The following TLE4 variants were observed in gnomAD, a reference collection of about 807,000 sequenced individuals.
The protein encoded by TLE4 is TLE family member 4, transcriptional corepressor.
In TLE4, 8 loss-of-function variants were observed where a neutral mutation model predicts 92.8. That is an observed-to-expected ratio of 0.09 (90% CI 0.05 to 0.16). TLE4 has a LOEUF of 0.16. TLE4 is among the 10% of genes least tolerant of loss of function. TLE4 has a pLI of 1.00. For missense variants in TLE4, 675 were observed against 997.6 expected, an observed-to-expected ratio of 0.68 and a Z score of 4.36; for synonymous variants, 371 against 374.1, an observed-to-expected ratio of 0.99 and a Z score of 0.10.
chr9:79,648,637 G>A lies in TLE4; in HGVS notation c.391-3956G>A, dbSNP rs187125451. Among the ~76,000 whole-genome samples the A allele has an allele frequency of 2.0e-5, 3 of 152,300 alleles. No homozygotes were observed. The East Asian group carries it at 5.8e-4, about 29-fold the overall frequency. On this transcript the variant is annotated intron_variant, in intron 6 of 19. Transcript: ENST00000376552. ...AGCTGATGGAGACTTAAAATAATCA[G>A]CATGTGAGGTGATGAGTCTGGTGAG... is the stretch of plus-strand genomic sequence containing the variant.
At chr9:79,611,948 A>G (rs909110568) in intron 4 of TLE4, among the ~76,000 whole-genome samples, 18 of 151,640 alleles carry the variant, frequency 1.2e-4, no homozygotes, top group African/African-American at 4.3e-4. Flanking sequence ...AAAAAAAAAA[A>G]AAAAAAAAAA....
chr9:79,678,297 T>C (rs1369776393), intron 8 of TLE4, among the ~76,000 whole-genome samples: 1 of 152,170 alleles, frequency 6.6e-6, no homozygotes, highest in Admixed American at 6.6e-5. Context: ...CAAAAAACTT[T>C]GTAGATGTTA....
intron 6 of TLE4, among the ~76,000 whole-genome samples, chr9:79,643,817 C>G (rs927114951): frequency 6.6e-6 from 1 of 152,150 alleles, no homozygotes; most frequent in African/African-American, 2.4e-5. Context: ...GTCTGTCTTG[C>G]ATTAGTTAAT....
chr9:79,706,697 C>T (rs764159048), intron 10 of TLE4, 50 bp from the exon 11 acceptor site: 3 of 1,576,064 alleles, frequency 1.9e-6, no homozygotes, highest in South Asian at 2.4e-5. Flanking sequence ...ACAACCCCAG[C>T]ATTATAAATG....
intron 14 of TLE4, among the ~76,000 whole-genome samples, chr9:79,717,726 C>A (rs1319812073): frequency 6.6e-6 from 1 of 152,160 alleles, no homozygotes; most frequent in Non-Finnish European, 1.5e-5. Context: ...CAATGCTTTC[C>A]CTTGGTATGT....
At chr9:79,621,918 C>T (rs1233268703) in intron 5 of TLE4, among the ~76,000 whole-genome samples, 2 of 152,202 alleles carry the variant, frequency 1.3e-5, no homozygotes, top group Non-Finnish European at 2.9e-5. Flanking sequence ...GTATCTTTCA[C>T]CCTAGAATAT....
intron 6 of TLE4, among the ~76,000 whole-genome samples, chr9:79,648,967 C>A (rs1020484009): frequency 6.6e-6 from 1 of 152,160 alleles, no homozygotes; most frequent in African/African-American, 2.4e-5. Flanking sequence ...GAAGGATATA[C>A]AACTGCTGCA....
At chr9:79,686,458 A>T (rs965088843) in intron 8 of TLE4, among the ~76,000 whole-genome samples, 6 of 152,176 alleles carry the variant, frequency 3.9e-5, no homozygotes, top group African/African-American at 1.2e-4. Flanking sequence ...ATTTAGAAAT[A>T]GGGTCTTGGC....
At chr9:79,577,712 T>A (rs1163090709) in intron 4 of TLE4, among the ~76,000 whole-genome samples, 1 of 152,206 alleles carries the variant, frequency 6.6e-6, no homozygotes. Flanking sequence ...AATTAGTGTC[T>A]TTTTAAAGAT....
chr9:79,702,187 G>T (rs930791721), intron 8 of TLE4, among the ~76,000 whole-genome samples: 5 of 152,212 alleles, frequency 3.3e-5, no homozygotes, highest in African/African-American at 9.6e-5. Context: ...CAGGACTCTG[G>T]ATTGGGGTGT....
intron 8 of TLE4, among the ~76,000 whole-genome samples, chr9:79,697,835 G>A (rs1358710496): frequency 6.6e-6 from 1 of 152,092 alleles, no homozygotes; most frequent in Non-Finnish European, 1.5e-5. Flanking sequence ...AAAAAAATAT[G>A]TAATACTTTT....
At chr9:79,673,168 A>G (rs761946863) in intron 8 of TLE4, among the ~76,000 whole-genome samples, 9 of 152,168 alleles carry the variant, frequency 5.9e-5, no homozygotes, top group Admixed American at 1.3e-4. Context: ...TATCAGAGAG[A>G]ATTGTACAGT....
chr9:79,705,252 G>A (rs2071199074), intron 9 of TLE4, among the ~76,000 whole-genome samples: 2 of 152,360 alleles, frequency 1.3e-5, no homozygotes, highest in South Asian at 2.1e-4. Context: ...TAAAAAATGT[G>A]TTTAAATGCC....
At chr9:79,708,517 T>C (rs1379217773) in intron 12 of TLE4, 76 bp from the exon 13 acceptor site, 2 of 1,368,182 alleles carry the variant, frequency 1.5e-6, no homozygotes, top group Non-Finnish European at 2.0e-6. Context: ...AGATTCTATT[T>C]TGTGACATGT....
At chr9:79,674,948 A>C (rs1484689749) in intron 8 of TLE4, among the ~76,000 whole-genome samples, 1 of 152,212 alleles carries the variant, frequency 6.6e-6, no homozygotes, top group Non-Finnish European at 1.5e-5. Flanking sequence ...GGAGGTTAAT[A>C]GGAATATTCT....
intron 15 of TLE4, 130 bp downstream of exon 15, chr9:79,719,101 G>A: frequency 2.2e-6 from 3 of 1,345,928 alleles, no homozygotes; most frequent in Non-Finnish European, 3.0e-6. Context: ...TCAGGGGACT[G>A]CGATCTTTCA....
chr9:79,697,282 T>A (rs1032058849), intron 8 of TLE4, among the ~76,000 whole-genome samples: 4 of 152,196 alleles, frequency 2.6e-5, no homozygotes, highest in Non-Finnish European at 4.4e-5. Context: ...CAAAGTTGTA[T>A]GCAGTTGGCA....
At chr9:79,599,601 C>T (rs1244334664) in intron 4 of TLE4, among the ~76,000 whole-genome samples, 1 of 152,150 alleles carries the variant, frequency 6.6e-6, no homozygotes, top group Non-Finnish European at 1.5e-5. Flanking sequence ...GTGCTCCTTT[C>T]CAAAGATGTA....
At chr9:79,641,748 G>T (rs1299439966) in intron 6 of TLE4, among the ~76,000 whole-genome samples, 1 of 152,138 alleles carries the variant, frequency 6.6e-6, no homozygotes, top group Non-Finnish European at 1.5e-5. Flanking sequence ...TTGAGAAAGG[G>T]TCCTAATTGG....
Sources: gnomAD v4.1 joint callset for allele counts (sites outside exome capture counted in the v4.1 genomes callset) on GRCh38, gnomAD v4.1.1 for gene constraint, MANE v1.5 for transcripts, NCBI Gene and HGNC (gene_info 2026-07-23, HGNC 2026-07-21) for gene names.